Variants in COL11A1 observed in about 807,000 individuals in gnomAD.
COL11A1 encodes collagen alpha-1(XI) chain.
In COL11A1, 74 loss-of-function variants were observed where a neutral mutation model predicts 265.2. The ratio of observed to expected loss-of-function variants is 0.28; its 90% CI spans 0.23 to 0.34. The LOEUF (loss-of-function observed/expected upper bound fraction) is 0.34. COL11A1 is among the 10% of genes least tolerant of loss of function. COL11A1 has a pLI of 1.00. For synonymous variants in COL11A1, 816 were observed against 727.6 expected, an observed-to-expected ratio of 1.12 and a Z score of -1.96; for missense variants, 2,165 against 2,263.6, an observed-to-expected ratio of 0.96 and a Z score of 0.88.
At chr1:102,970,787 G>T (rs1251692529) in intron 36 of COL11A1, among the ~76,000 whole-genome samples, 1 of 152,020 alleles carries the variant, frequency 6.6e-6, no homozygotes, top group South Asian at 2.1e-4. Context: ...AGGTCGAGGC[G>T]GGAGGATCAA....
intron 44 of COL11A1, among the ~76,000 whole-genome samples, chr1:102,935,886 T>C (rs1482910974): frequency 1.3e-5 from 2 of 152,218 alleles, no homozygotes; most frequent in African/African-American, 4.8e-5. Flanking sequence ...TGCTAGTTCA[T>C]AACTCTTCTC....
chr1:102,951,334 T>G (rs187923003), intron 41 of COL11A1, among the ~76,000 whole-genome samples: 2 of 152,228 alleles, frequency 1.3e-5, no homozygotes, highest in African/African-American at 4.8e-5. Flanking sequence ...ATATATTGAC[T>G]GTATGCATTA....
At chr1:102,962,585 A>C in intron 39 of COL11A1, 68 bp downstream of exon 39, 1 of 1,298,852 alleles carries the variant, frequency 7.7e-7, no homozygotes. Flanking sequence ...TCTGTAGACA[A>C]GGGGTGAGTA....
At chr1:103,006,399 A>T in intron 15 of COL11A1, 84 bp from the exon 16 acceptor site, 2 of 981,912 alleles carry the variant, frequency 2.0e-6, no homozygotes, top group Non-Finnish European at 3.0e-6. Flanking sequence ...GGTTTCAGAA[A>T]CTAATATCCT....
chr1:103,087,792 C>T (rs1672996650), intron 1 of COL11A1, among the ~76,000 whole-genome samples: 1 of 152,190 alleles, frequency 6.6e-6, no homozygotes, highest in Non-Finnish European at 1.5e-5. Context: ...TAGCACCTTT[C>T]ATACTTTTTT....
chr1:103,099,757 C>A (rs2102410071), intron 1 of COL11A1, among the ~76,000 whole-genome samples: 1 of 151,902 alleles, frequency 6.6e-6, no homozygotes, highest in Admixed American at 6.6e-5. Context: ...CACTCTGTAG[C>A]TACAAATATT....
At chr1:102,960,623 T>G (rs1402105793) in intron 41 of COL11A1, among the ~76,000 whole-genome samples, 1 of 151,998 alleles carries the variant, frequency 6.6e-6, no homozygotes, top group African/African-American at 2.4e-5. Context: ...AACTGGAGTT[T>G]CCTGGAGAAA....
At chr1:102,957,785 G>T (rs1455933141) in intron 41 of COL11A1, among the ~76,000 whole-genome samples, 1 of 151,712 alleles carries the variant, frequency 6.6e-6, no homozygotes, top group Non-Finnish European at 1.5e-5. Flanking sequence ...AGATAATTTG[G>T]GCAAGCTCTA....
chr1:102,981,619 A>C (rs1319793365), intron 31 of COL11A1, among the ~76,000 whole-genome samples: 1 of 152,026 alleles, frequency 6.6e-6, no homozygotes, highest in Non-Finnish European at 1.5e-5. Flanking sequence ...TTTGCTTCCC[A>C]TATAAGGAAT....
intron 15 of COL11A1, among the ~76,000 whole-genome samples, chr1:103,006,662 C>T (rs1665654630): frequency 6.7e-6 from 1 of 150,036 alleles, no homozygotes; most frequent in Non-Finnish European, 1.5e-5. Context: ...CTCAGCCTCC[C>T]AAGTAGCTGG....
intron 8 of COL11A1, 100 bp from the exon 9 acceptor site, chr1:103,021,869 A>G: frequency 1.1e-6 from 1 of 926,940 alleles, no homozygotes; most frequent in Non-Finnish European, 1.7e-6. Context: ...TTTTTTGAAG[A>G]CGGAGTCTCC....
Position 102,970,244 on chromosome 1 carries a change from C to G in COL11A1, c.2837G>C (p.Gly946Ala). 1 of 1,612,076 alleles carries G rather than the reference C, an allele frequency of 6.2e-7. No homozygotes were observed. Among genetic ancestry groups the G allele is most frequent in the Non-Finnish European group, 8.5e-7 (1 of 1,178,766 alleles). The change falls in exon 37 of 67, where the codon GGA (glycine) becomes GCA (alanine). Residue 946 changes from glycine (G) to alanine (A), a missense_variant. Physicochemically the swap from Gly to Ala is moderately conservative, Grantham distance 60 (BLOSUM62 0). Coordinates refer to ENST00000370096, the MANE Select transcript of COL11A1 (RefSeq NM_001854.4). Reference protein sequence around the residue: ...PGPPGKDGLPGHPGQRGETGF... With the variant: ...PGPPGKDGLPAHPGQRGETGF... The stretch of plus-strand genomic sequence containing the variant: ...AGTCTCCCCACGTTGCCCAGGGTGT[C>G]CTGGCAGCCCATCCTTCCCAGGTGG...
chr1:103,018,377 T>C (rs1170401906), intron 10 of COL11A1, among the ~76,000 whole-genome samples: 1 of 152,168 alleles, frequency 6.6e-6, no homozygotes, highest in Non-Finnish European at 1.5e-5. Flanking sequence ...TGCAATCACC[T>C]GAGAATAAAC....
At chr1:103,105,005 C>T (rs1298259137) in intron 1 of COL11A1, among the ~76,000 whole-genome samples, 2 of 151,998 alleles carry the variant, frequency 1.3e-5, no homozygotes, top group African/African-American at 4.8e-5. Flanking sequence ...TTTGATCAGC[C>T]TTTTACAAGA....
At chr1:102,948,050 TG>T (rs1659502856) in intron 41 of COL11A1, among the ~76,000 whole-genome samples, 3 of 152,004 alleles carry the variant, frequency 2.0e-5, no homozygotes, top group African/African-American at 7.2e-5. Flanking sequence ...TACTACTTTA[TG>T]TTTTCTACTA....
intron 2 of COL11A1, among the ~76,000 whole-genome samples, chr1:103,080,206 A>G (rs1294784508): frequency 6.6e-6 from 1 of 151,984 alleles, no homozygotes; most frequent in Non-Finnish European, 1.5e-5. Context: ...ATACATTTTT[A>G]TGCTATAAAT....
intron 41 of COL11A1, among the ~76,000 whole-genome samples, chr1:102,949,575 C>A (rs1372716085): frequency 2.0e-5 from 3 of 152,166 alleles, no homozygotes; most frequent in Non-Finnish European, 4.4e-5. Flanking sequence ...AACTGACTTA[C>A]AATTATTATA....
intron 53 of COL11A1, 105 bp from the exon 54 acceptor site, chr1:102,912,317 C>T: frequency 1.2e-6 from 1 of 832,776 alleles, no homozygotes; most frequent in Non-Finnish European, 1.9e-6. Flanking sequence ...TTCATTTCCA[C>T]ATGTCAATAT....
chr1:102,930,416 C>A lies in COL11A1; in HGVS notation c.3600+4033G>T, dbSNP rs973773904. Reference sequence around the variant, plus strand: ...CATTTATTGATTTGCGTATATTGAACCAGCCTTGCATCCCAGGGATGAAGC... The same window carrying A: ...CATTTATTGATTTGCGTATATTGAAACAGCCTTGCATCCCAGGGATGAAGC... On this transcript the variant is annotated intron_variant, in intron 46 of 66. Transcript: ENST00000370096. 7.9e-5 allele frequency among the ~76,000 whole-genome samples: 12 copies of A among 151,870 alleles called. No homozygotes were observed. The East Asian group carries it at 2.3e-3, about 29-fold the overall frequency.
Sources: gnomAD v4.1 joint callset for allele counts (sites outside exome capture counted in the v4.1 genomes callset) on GRCh38, gnomAD v4.1.1 for gene constraint, MANE v1.5 for transcripts, NCBI Gene and HGNC (gene_info 2026-07-23, HGNC 2026-07-21) for gene names.